Variants in CCSER1 observed in about 807,000 individuals in gnomAD.
CCSER1 encodes the protein serine-rich coiled-coil domain-containing protein 1.
A neutral mutation model predicts 82.0 loss-of-function variants in CCSER1; 41 were observed. That is an observed-to-expected ratio of 0.50 (90% CI 0.39 to 0.65). CCSER1 has a LOEUF of 0.65. Among genes scored for constraint, CCSER1 ranks in the 30% least tolerant of loss-of-function variants. The pLI, the probability that CCSER1 is intolerant of heterozygous loss-of-function variation, is 0.00. For synonymous variants in CCSER1, 414 were observed against 383.9 expected (o/e 1.08, Z -0.92); for missense variants, 1,119 against 1,064.2 (o/e 1.05, Z -0.72).
chr4:90,764,523 G>A (rs1163353607), intron 7 of CCSER1, among the ~76,000 whole-genome samples: 1 of 152,034 alleles, frequency 6.6e-6, no homozygotes, highest in African/African-American at 2.4e-5. Context: ...GGTGGTTTTT[G>A]GAGTATAGGC....
intron 10 of CCSER1, among the ~76,000 whole-genome samples, chr4:91,227,461 T>C (rs1319967881): frequency 2.0e-5 from 3 of 151,844 alleles, no homozygotes; most frequent in Non-Finnish European, 4.4e-5. Flanking sequence ...TGTGTGTGTA[T>C]GTGTATGAAG....
intron 9 of CCSER1, among the ~76,000 whole-genome samples, chr4:91,041,915 C>T (rs2150578692): frequency 6.6e-6 from 1 of 152,314 alleles, no homozygotes; most frequent in Middle Eastern, 3.4e-3. Context: ...CGCAATGTCA[C>T]ATCTGAGGTC....
intron 5 of CCSER1, among the ~76,000 whole-genome samples, chr4:90,518,529 T>C (rs17828409): frequency 0.011 from 1,645 of 152,178 alleles, 16 homozygotes; most frequent in Admixed American, 0.017. Context: ...GTGTCCATAA[T>C]GATCAGTGAG....
intron 10 of CCSER1, among the ~76,000 whole-genome samples, chr4:91,198,842 T>C (rs1735669461): frequency 6.6e-6 from 1 of 152,164 alleles, no homozygotes; most frequent in Non-Finnish European, 1.5e-5. Flanking sequence ...GCTGACGTAA[T>C]AATGAAAAAG....
intron 3 of CCSER1, among the ~76,000 whole-genome samples, chr4:90,374,418 A>T (rs111818347): frequency 0.011 from 1,709 of 152,060 alleles, 21 homozygotes; most frequent in Non-Finnish European, 0.016. Flanking sequence ...GGGAGGGGGG[A>T]TTTCCTTGAC....
intron 9 of CCSER1, among the ~76,000 whole-genome samples, chr4:91,029,243 A>G (rs1316254892): frequency 1.3e-5 from 2 of 151,580 alleles, no homozygotes; most frequent in African/African-American, 4.9e-5. Flanking sequence ...GATACATAAT[A>G]GTAATTCTAA....
chr4:90,792,804 G>T (rs1351511617), intron 7 of CCSER1, among the ~76,000 whole-genome samples: 1 of 152,194 alleles, frequency 6.6e-6, no homozygotes, highest in Non-Finnish European at 1.5e-5. Flanking sequence ...ATTTCCTGTG[G>T]CTAGACTAAT....
chr4:91,495,767 G>A (rs1029948900), intron 10 of CCSER1, among the ~76,000 whole-genome samples: 3 of 151,340 alleles, frequency 2.0e-5, no homozygotes, highest in Non-Finnish European at 4.4e-5. Context: ...ATCAGTATTG[G>A]TCTATTATCT....
intron 9 of CCSER1, among the ~76,000 whole-genome samples, chr4:90,963,837 A>G: frequency 6.6e-6 from 1 of 152,304 alleles, no homozygotes; most frequent in Non-Finnish European, 1.5e-5. Flanking sequence ...TGATCTATTG[A>G]AAGGTTCAAG....
chr4:91,076,927 T>G (rs1227595558), intron 9 of CCSER1, among the ~76,000 whole-genome samples: 1 of 152,144 alleles, frequency 6.6e-6, no homozygotes, highest in Non-Finnish European at 1.5e-5. Context: ...GGAGCTAGAA[T>G]TTGTGGGGCA....
chr4:90,386,968 G>A (rs902950491), intron 3 of CCSER1, among the ~76,000 whole-genome samples: 1 of 151,874 alleles, frequency 6.6e-6, no homozygotes, highest in Non-Finnish European at 1.5e-5. Context: ...TTTGTTTATT[G>A]TCTAGGTTAG....
intron 10 of CCSER1, among the ~76,000 whole-genome samples, chr4:91,285,895 T>C (rs1432686206): frequency 6.6e-6 from 1 of 151,826 alleles, no homozygotes; most frequent in Non-Finnish European, 1.5e-5. Flanking sequence ...GTAAACATTT[T>C]TGTTTCTCCC....
At chr4:90,830,114 A>G (rs1408707876) in intron 8 of CCSER1, among the ~76,000 whole-genome samples, 1 of 152,168 alleles carries the variant, frequency 6.6e-6, no homozygotes, top group Non-Finnish European at 1.5e-5. Context: ...TTGCCAAACC[A>G]TCACCGGACA....
chr4:91,074,962 T>C (rs1721816867), intron 9 of CCSER1, among the ~76,000 whole-genome samples: 1 of 152,166 alleles, frequency 6.6e-6, no homozygotes, highest in African/African-American at 2.4e-5. Context: ...TCTAGGGATA[T>C]TAGATAGTGA....
intron 5 of CCSER1, among the ~76,000 whole-genome samples, chr4:90,540,051 C>A (rs59814605): frequency 0.03 from 4,612 of 152,096 alleles, 103 homozygotes; most frequent in South Asian, 0.095. Context: ...AGGAACGGAG[C>A]AAATTAGTTT....
At chr4:91,591,554 C>T (rs1764273094) in intron 10 of CCSER1, among the ~76,000 whole-genome samples, 1 of 152,114 alleles carries the variant, frequency 6.6e-6, no homozygotes, top group Non-Finnish European at 1.5e-5. Flanking sequence ...ATGGGTCAGT[C>T]AGTTGCTGAG....
At chr4:90,785,215 T>C (rs1754315336) in intron 7 of CCSER1, among the ~76,000 whole-genome samples, 1 of 152,072 alleles carries the variant, frequency 6.6e-6, no homozygotes. Context: ...TTTTGTATTT[T>C]TTTATGGAGA....
intron 10 of CCSER1, among the ~76,000 whole-genome samples, chr4:91,220,497 G>C (rs7668509): frequency 0.026 from 3,956 of 152,280 alleles, 174 homozygotes; most frequent in African/African-American, 0.091. Flanking sequence ...TGAAGGTTTG[G>C]AATAGCTGTC....
At position 90,468,502 on chromosome 4, in the gene CCSER1, C is replaced by T. The variant is rs538584255; in HGVS notation, c.1724+148C>T. 15 of 628,010 alleles carry T rather than the reference C, an allele frequency of 2.4e-5. No homozygotes were observed. In the East Asian group the frequency reaches 3.7e-4, roughly 16 times the overall value. The allele number at this position is 628,010 out of a possible 1,614,324, so 38.9% of individuals were successfully genotyped here. ...TAAAAAATCATCTATTCTATATTATCTTAATGAATTAACTTCTGTGTCTCC... is the reference window on the plus strand; with the variant it reads ...TAAAAAATCATCTATTCTATATTATTTTAATGAATTAACTTCTGTGTCTCC... On this transcript the variant is annotated intron_variant, in intron 5 of 10. Transcript: ENST00000509176.
Sources: gnomAD v4.1 joint callset for allele counts (sites outside exome capture counted in the v4.1 genomes callset) on GRCh38, gnomAD v4.1.1 for gene constraint, MANE v1.5 for transcripts, NCBI Gene and HGNC (gene_info 2026-07-23, HGNC 2026-07-21) for gene names.